TRIM61: variants seen among roughly 807,000 people sequenced by gnomAD.
TRIM61 encodes putative tripartite motif-containing protein 61.
TRIM61 carries 1 observed loss-of-function variant against 14.2 expected under a neutral mutation model. The observed-to-expected ratio is 0.07, with a 90% confidence interval of 0.03 to 0.33. The LOEUF (loss-of-function observed/expected upper bound fraction) is 0.33. Ranked by LOEUF, TRIM61 falls within the 10% of genes least tolerant of loss-of-function variation. The pLI is 0.99. For synonymous variants in TRIM61, 8 were observed against 71.6 expected, an observed-to-expected ratio of 0.11 and a Z score of 4.49; for missense variants, 19 against 202.2, an observed-to-expected ratio of 0.09 and a Z score of 5.49.
At chr4:164,967,909 T>C (rs1732276346) in intron 3 of TRIM61, among the ~76,000 whole-genome samples, 2 of 151,374 alleles carry the variant, frequency 1.3e-5, no homozygotes, top group Non-Finnish European at 2.9e-5. Context: ...CCCAGCACTT[T>C]GGGAGGCCGA....
intron 3 of TRIM61, chr4:164,968,639 G>A: frequency 1.0e-6 from 1 of 985,542 alleles, no homozygotes. Context: ...GTCAGTTCCA[G>A]TATAAAAATA....
chr4:164,967,346 T>G (rs1732265858), intron 3 of TRIM61, among the ~76,000 whole-genome samples: 1 of 152,242 alleles, frequency 6.6e-6, no homozygotes, highest in African/African-American at 2.4e-5. Context: ...TCGTCTTTTT[T>G]GTTGACACAA....
chr4:164,976,389 A>G (rs977535346), intron 2 of TRIM61, among the ~76,000 whole-genome samples: 1 of 152,124 alleles, frequency 6.6e-6, no homozygotes, highest in African/African-American at 2.4e-5. Flanking sequence ...TTCATAAAGG[A>G]CACAAGAGGA....
At chr4:164,974,164 T>C (rs1259504886) in intron 2 of TRIM61, among the ~76,000 whole-genome samples, 3 of 152,122 alleles carry the variant, frequency 2.0e-5, no homozygotes, top group African/African-American at 7.2e-5. Flanking sequence ...AGCAAGGCTC[T>C]GTCTCAAAAA....
chr4:164,976,866 T>C (rs1732494761), intron 1 of TRIM61, 41 bp from the exon 2 acceptor site: 1 of 152,188 alleles, frequency 6.6e-6, no homozygotes, highest in Non-Finnish European at 1.5e-5. Flanking sequence ...TAAGATCTAG[T>C]CCAAGTTTTT....
chr4:164,971,828 C>A (rs1342169711), intron 2 of TRIM61, among the ~76,000 whole-genome samples: 1 of 152,090 alleles, frequency 6.6e-6, no homozygotes, highest in Admixed American at 6.5e-5. Flanking sequence ...ACCTAACCAT[C>A]AATACAGTAT....
intron 3 of TRIM61, chr4:164,969,287 C>T: frequency 6.9e-7 from 1 of 1,457,148 alleles, no homozygotes; most frequent in South Asian, 1.5e-5. Flanking sequence ...CACATATATG[C>T]TCTCTATCTC....
At chr4:164,959,903 A>G (rs1175005560) in intron 3 of TRIM61, among the ~76,000 whole-genome samples, 1 of 152,208 alleles carries the variant, frequency 6.6e-6, no homozygotes, top group Non-Finnish European at 1.5e-5. Flanking sequence ...AAGTATGTTG[A>G]AGGGCTAACT....
chr4:164,956,013 G>C (rs974662037), intron 3 of TRIM61, among the ~76,000 whole-genome samples: 1 of 152,196 alleles, frequency 6.6e-6, no homozygotes, highest in Non-Finnish European at 1.5e-5. Flanking sequence ...GAGCTTTTCT[G>C]GAACGAGGCA....
chr4:164,965,653 T>C (rs1231816086), intron 3 of TRIM61, among the ~76,000 whole-genome samples: 2 of 152,020 alleles, frequency 1.3e-5, no homozygotes, highest in Non-Finnish European at 2.9e-5. Flanking sequence ...CAGGATGGTC[T>C]CAAACTCCTG....
intron 3 of TRIM61, chr4:164,958,575 T>C (rs1732066157): frequency 1.2e-5 from 2 of 167,066 alleles, no homozygotes; most frequent in African/African-American, 4.8e-5. Flanking sequence ...TTTTCTTTCA[T>C]TATTTTAGCA....
At chr4:164,957,021 G>C in intron 3 of TRIM61, 1 of 1,504,710 alleles carries the variant, frequency 6.6e-7, no homozygotes, top group Non-Finnish European at 8.9e-7. Flanking sequence ...GTACCACAGT[G>C]GATGGAAGGA....
At chr4:164,962,733 A>G (rs1732164646) in intron 3 of TRIM61, among the ~76,000 whole-genome samples, 1 of 149,334 alleles carries the variant, frequency 6.7e-6, no homozygotes. Flanking sequence ...GGAATATTAT[A>G]TATGTCAGAA....
chr4:164,956,977 T>A (rs1732006225), intron 3 of TRIM61: 14 of 1,443,844 alleles, frequency 9.7e-6, no homozygotes, highest in African/African-American at 1.4e-5. Context: ...ACCGTGAAGG[T>A]GTGGCGCGAC....
intron 3 of TRIM61, chr4:164,968,886 T>C (rs1732299528): frequency 1.0e-6 from 1 of 989,024 alleles, no homozygotes; most frequent in Non-Finnish European, 1.2e-6. Flanking sequence ...TTCCTCCTTC[T>C]GGGAAGACAG....
chr4:164,972,375 C>T (rs972878230), intron 2 of TRIM61, among the ~76,000 whole-genome samples: 2 of 151,460 alleles, frequency 1.3e-5, no homozygotes, highest in South Asian at 4.1e-4. Flanking sequence ...GAATCTGGAT[C>T]CAAACAAGAG....
chr4:164,960,218 T>A (rs1452054832), intron 3 of TRIM61, among the ~76,000 whole-genome samples: 1 of 152,094 alleles, frequency 6.6e-6, no homozygotes, highest in African/African-American at 2.4e-5. Context: ...ACTCATAATT[T>A]GGACCCAGCC....
chr4:164,974,159 G>C (rs550916383), intron 2 of TRIM61, among the ~76,000 whole-genome samples: 1 of 152,236 alleles, frequency 6.6e-6, no homozygotes. Context: ...AACAGAGCAA[G>C]GCTCTGTCTC....
intron 3 of TRIM61, 136 bp downstream of exon 3, chr4:164,968,140 AAGGGG>A (rs963412701): frequency 1.8e-5 from 18 of 984,582 alleles, no homozygotes; most frequent in Non-Finnish European, 2.2e-5. Context: ...GCAACGAAAA[AAGGGG>A]AGGGGAGGGG....
Sources: gnomAD v4.1 joint callset for allele counts (sites outside exome capture counted in the v4.1 genomes callset) on GRCh38, gnomAD v4.1.1 for gene constraint, MANE v1.5 for transcripts, NCBI Gene and HGNC (gene_info 2026-07-23, HGNC 2026-07-21) for gene names.